GALNT13: variants seen among roughly 807,000 people sequenced by gnomAD.
The protein encoded by GALNT13 is polypeptide N-acetylgalactosaminyltransferase 13.
Under a neutral mutation model 64.2 loss-of-function variants are expected in GALNT13, and 28 were observed. The ratio of observed to expected loss-of-function variants is 0.44; its 90% CI spans 0.32 to 0.60. The LOEUF (loss-of-function observed/expected upper bound fraction) is 0.60. Among genes scored for constraint, GALNT13 ranks in the 20% least tolerant of loss-of-function variants. The pLI is 0.05. For missense variants in GALNT13, 577 were observed against 669.8 expected (o/e 0.86, Z 1.53); for synonymous variants, 214 against 224.6 (o/e 0.95, Z 0.42).
chr2:153,178,867 C>G, the GALNT13 span, among the ~76,000 whole-genome samples: 1 of 76,928 alleles, frequency 1.3e-5, no homozygotes, highest in East Asian at 7.2e-4. Flanking sequence ...TCCCGAGTAG[C>G]TGGACCAGAG....
chr2:153,748,223 T>C, the GALNT13 span, among the ~76,000 whole-genome samples: 1 of 152,182 alleles, frequency 6.6e-6, no homozygotes, highest in African/African-American at 2.4e-5. Flanking sequence ...AGAAATAGTT[T>C]TAGTTCTTTA....
chr2:153,734,232 T>C, the GALNT13 span, among the ~76,000 whole-genome samples: 1 of 152,166 alleles, frequency 6.6e-6, no homozygotes, highest in African/African-American at 2.4e-5. Context: ...GAAGAGGTTT[T>C]GCTTTTCAGT....
At chr2:153,645,201 C>T in the GALNT13 span, among the ~76,000 whole-genome samples, 9 of 152,234 alleles carry the variant, frequency 5.9e-5, no homozygotes, top group African/African-American at 2.2e-4. Flanking sequence ...ATGCGCTCTG[C>T]TGAGCAAGAG....
At chr2:153,654,846 C>T in the GALNT13 span, among the ~76,000 whole-genome samples, 3 of 151,868 alleles carry the variant, frequency 2.0e-5, no homozygotes, top group African/African-American at 7.3e-5. Context: ...GATCTTGGAG[C>T]CAATTCTCCA....
the GALNT13 span, among the ~76,000 whole-genome samples, chr2:153,200,486 G>A: frequency 1.3e-5 from 2 of 152,186 alleles, no homozygotes; most frequent in Non-Finnish European, 2.9e-5. Flanking sequence ...GGGGCATGGG[G>A]CAGAAATGGC....
chr2:153,819,995 A>G, the GALNT13 span, among the ~76,000 whole-genome samples: 2 of 152,242 alleles, frequency 1.3e-5, no homozygotes, highest in Non-Finnish European at 2.9e-5. Context: ...AAGGTTGAAA[A>G]TCGCACAAAG....
At chr2:154,455,086 A>C (rs1702013988), downstream of GALNT13, among the ~76,000 whole-genome samples, 1 of 152,172 alleles carries the variant, frequency 6.6e-6, no homozygotes, top group South Asian at 2.1e-4. Context: ...GGTGCTTAGA[A>C]ACAGTCTAAT....
intron 9 of GALNT13, among the ~76,000 whole-genome samples, chr2:154,341,429 A>C (rs1282477845): frequency 6.6e-6 from 1 of 152,140 alleles, no homozygotes; most frequent in African/African-American, 2.4e-5. Flanking sequence ...TGTGGAATGC[A>C]GTGTTAAAAG....
At chr2:153,285,319 G>T in the GALNT13 span, among the ~76,000 whole-genome samples, 51,808 of 151,900 alleles carry the variant, frequency 0.34, 9,051 homozygotes, top group Middle Eastern at 0.51. Context: ...GTTGGGTAGG[G>T]ATACAGAGCT....
chr2:153,165,562 T>G, the GALNT13 span, among the ~76,000 whole-genome samples: 1 of 152,220 alleles, frequency 6.6e-6, no homozygotes, highest in African/African-American at 2.4e-5. Context: ...ACATTTTCAT[T>G]CAGTATATTC....
chr2:153,971,600 A>G (rs1393498516), intron 3 of GALNT13, among the ~76,000 whole-genome samples: 1 of 152,166 alleles, frequency 6.6e-6, no homozygotes, highest in Non-Finnish European at 1.5e-5. Flanking sequence ...ATCTATATAC[A>G]ACATAAACAG....
the GALNT13 span, among the ~76,000 whole-genome samples, chr2:153,254,565 G>A: frequency 6.6e-6 from 1 of 151,784 alleles, no homozygotes; most frequent in Non-Finnish European, 1.5e-5. Context: ...GATGTTAGGG[G>A]GTCAATTTTG....
At chr2:153,102,855 T>C in the GALNT13 span, among the ~76,000 whole-genome samples, 2 of 152,178 alleles carry the variant, frequency 1.3e-5, no homozygotes, top group Non-Finnish European at 2.9e-5. Flanking sequence ...AATATTGTCA[T>C]GGCAGTGTCT....
intron 3 of GALNT13, among the ~76,000 whole-genome samples, chr2:153,974,290 G>T (rs999023183): frequency 6.6e-6 from 1 of 152,034 alleles, no homozygotes; most frequent in African/African-American, 2.4e-5. Context: ...CTAAATATTT[G>T]CTGTATAGTG....
chr2:153,572,385 A>C, the GALNT13 span, among the ~76,000 whole-genome samples: 1 of 139,988 alleles, frequency 7.1e-6, no homozygotes, highest in Non-Finnish European at 1.6e-5. Context: ...ATATTGTTTA[A>C]TGTTTCAAAA....
At chr2:153,589,003 C>A in the GALNT13 span, among the ~76,000 whole-genome samples, 1 of 152,194 alleles carries the variant, frequency 6.6e-6, no homozygotes, top group East Asian at 1.9e-4. Context: ...CCCATCTCTA[C>A]TAAAAATACA....
At chr2:154,217,882 C>A (rs147825234) in intron 4 of GALNT13, among the ~76,000 whole-genome samples, 4 of 152,220 alleles carry the variant, frequency 2.6e-5, no homozygotes, top group Admixed American at 6.6e-5. Context: ...TTAATCACCT[C>A]TGGACTTAGT....
chr2:153,299,513 C>G, the GALNT13 span, among the ~76,000 whole-genome samples: 1 of 152,230 alleles, frequency 6.6e-6, no homozygotes, highest in Non-Finnish European at 1.5e-5. Flanking sequence ...TCTTCACAGC[C>G]AAGGCTATCT....
At chr2:154,260,212 A>G (rs2105903488) in intron 8 of GALNT13, among the ~76,000 whole-genome samples, 1 of 152,206 alleles carries the variant, frequency 6.6e-6, no homozygotes, top group Admixed American at 6.5e-5. Flanking sequence ...GAAACATTCC[A>G]TCTTCGCCCA....
Sources: gnomAD v4.1 joint callset for allele counts (sites outside exome capture counted in the v4.1 genomes callset) on GRCh38, gnomAD v4.1.1 for gene constraint, MANE v1.5 for transcripts, NCBI Gene and HGNC (gene_info 2026-07-23, HGNC 2026-07-21) for gene names.